Variants in KIRREL3 observed in about 807,000 individuals in gnomAD.
KIRREL3 encodes the protein kin of IRRE-like protein 3.
KIRREL3 carries 36 observed loss-of-function variants against 89.7 expected under a neutral mutation model. The observed-to-expected ratio is 0.40, with a 90% CI of 0.31 to 0.53. The LOEUF (loss-of-function observed/expected upper bound fraction) is 0.53, where lower values mean the gene tolerates loss of function less well. KIRREL3 is among the 20% of genes least tolerant of loss of function. The pLI is 0.49. For synonymous variants in KIRREL3, 445 were observed against 441.4 expected, an observed-to-expected ratio of 1.01 and a Z score of -0.10; for missense variants, 864 against 1,056.6, an observed-to-expected ratio of 0.82 and a Z score of 2.53.
At chr11:126,507,192 G>T (rs753717836) in intron 4 of KIRREL3, among the ~76,000 whole-genome samples, 4 of 152,184 alleles carry the variant, frequency 2.6e-5, no homozygotes, top group Non-Finnish European at 4.4e-5. Context: ...TGCATTGGTT[G>T]CCTGAGACTG....
intron 1 of KIRREL3, among the ~76,000 whole-genome samples, chr11:126,753,635 T>C (rs538357346): frequency 1.3e-5 from 2 of 152,090 alleles, no homozygotes; most frequent in East Asian, 1.9e-4. Flanking sequence ...GTTCAGATTA[T>C]ATTAAGATCT....
chr11:126,518,418 G>A (rs1012855105), intron 4 of KIRREL3, among the ~76,000 whole-genome samples: 1 of 152,208 alleles, frequency 6.6e-6, no homozygotes, highest in African/African-American at 2.4e-5. Context: ...GCCTCCCTCT[G>A]TTCTAGCCAA....
intron 1 of KIRREL3, among the ~76,000 whole-genome samples, chr11:126,922,780 C>T (rs1947406332): frequency 1.3e-5 from 2 of 152,140 alleles, no homozygotes; most frequent in Non-Finnish European, 2.9e-5. Context: ...CAGCAACTGC[C>T]CTATTTTCTC....
At position 126,635,687 on chromosome 11, in the gene KIRREL3, C is replaced by T. The variant is rs1011126710; in HGVS notation, c.56-72775G>A. Among the ~76,000 whole-genome samples the T allele has an allele frequency of 3.3e-5, 5 of 152,148 alleles. No homozygotes were observed. The highest frequency in any genetic ancestry group is 1.3e-4 in the Admixed American group (2 of 15,286). ...TTGACCCCAGCTGGATATCTGCTCA[C>T]GTCATCAAAGCTCTTGAGGCCTCAG... On this transcript the variant is annotated intron_variant, in intron 1 of 16. Coordinates refer to ENST00000525144, the MANE Select transcript of KIRREL3 (RefSeq NM_032531.4). This position sits in a 1 kb window ranked among gnomAD's most constrained non-coding sequence, Gnocchi z 4.0.
At chr11:126,538,154 T>C (rs2134480798) in intron 2 of KIRREL3, among the ~76,000 whole-genome samples, 2 of 152,362 alleles carry the variant, frequency 1.3e-5, no homozygotes, top group Middle Eastern at 6.8e-3. Flanking sequence ...AGCCCTCCCA[T>C]TGGCTTTGCC....
Position 126,954,164 on chromosome 11 carries a change from T to A in KIRREL3, c.55+46291A>T, listed in dbSNP as rs78460042. Among the ~76,000 whole-genome samples, 985 of 151,966 alleles carry A rather than the reference T, an allele frequency of 6.5e-3. 8 individuals are homozygous for A. The highest frequency in any genetic ancestry group is 0.022 in the African/African-American group (920 of 41,414). On this transcript the variant is annotated intron_variant, in intron 1 of 16. Coordinates refer to ENST00000525144, the MANE Select transcript of KIRREL3 (RefSeq NM_032531.4). This position sits in a 1 kb window ranked among gnomAD's most constrained non-coding sequence, Gnocchi z 4.1. ...GAGGTGGGGGGTGGTATTGAGGTAT[T>A]GAGGTCATCACTTATAGGTAAGTAC...
chr11:126,479,479 C>A (rs1043284644), intron 4 of KIRREL3, among the ~76,000 whole-genome samples: 3 of 152,244 alleles, frequency 2.0e-5, no homozygotes, highest in African/African-American at 7.2e-5. Context: ...TTGGCACCTC[C>A]TGGGAGCTTG....
intron 4 of KIRREL3, among the ~76,000 whole-genome samples, chr11:126,505,573 T>TA (rs1468047045): frequency 1.0e-4 from 13 of 127,308 alleles, no homozygotes; most frequent in Non-Finnish European, 1.6e-4. Flanking sequence ...CTCCATCTCT[T>TA]TAAAAAAAAA....
At chr11:126,467,246 A>AC (rs1956755578) in intron 5 of KIRREL3, among the ~76,000 whole-genome samples, 1 of 151,746 alleles carries the variant, frequency 6.6e-6, no homozygotes, top group Non-Finnish European at 1.5e-5. Flanking sequence ...CTGTGCACCC[A>AC]CCCCCACTGC....
chr11:126,613,890 T>TA (rs1943235836), intron 1 of KIRREL3, among the ~76,000 whole-genome samples: 1 of 122,310 alleles, frequency 8.2e-6, no homozygotes, highest in East Asian at 2.9e-4. Context: ...TTTTTTTTTT[T>TA]TTTATTTTTT....
chr11:126,559,277 C>T (rs1219435585), intron 2 of KIRREL3, among the ~76,000 whole-genome samples: 1 of 152,206 alleles, frequency 6.6e-6, no homozygotes, highest in Non-Finnish European at 1.5e-5. Context: ...CTTTTCAATA[C>T]CTACCTGACA....
intron 1 of KIRREL3, among the ~76,000 whole-genome samples, chr11:126,862,865 G>A (rs1944748252): frequency 6.6e-6 from 1 of 152,084 alleles, no homozygotes; most frequent in Admixed American, 6.5e-5. Flanking sequence ...ACATTGCCAG[G>A]CATTTGAGAA....
At chr11:126,545,640 T>TAAAATAAAATAAAATA (rs367868978) in intron 2 of KIRREL3, among the ~76,000 whole-genome samples, 85 of 119,676 alleles carry the variant, frequency 7.1e-4, no homozygotes, top group African/African-American at 2.7e-3. Flanking sequence ...TAAAATAAAA[T>TAAAATAAAATAAAATA]AAATAAAATA....
rs1472690301 is a variant in KIRREL3 at position 126,519,117 on chromosome 11, T to C, written c.433+2198A>G. 6.6e-6 allele frequency among the ~76,000 whole-genome samples: 1 copy of C among 152,022 alleles called. No individual in the cohort carries two copies. The highest frequency in any genetic ancestry group is 1.5e-5 in the Non-Finnish European group (1 of 68,002). Reference sequence around the variant, plus strand: ...GATCTCCAGACTTGAATAAAACATCTCCCCCATACAAACCCAGCTCTGTGC... The same window carrying C: ...GATCTCCAGACTTGAATAAAACATCCCCCCCATACAAACCCAGCTCTGTGC... On this transcript the variant is annotated intron_variant, in intron 4 of 16. Coordinates refer to ENST00000525144, the MANE Select transcript of KIRREL3 (RefSeq NM_032531.4). The surrounding 1 kb of genome is among the most constrained non-coding windows in gnomAD (Gnocchi z 4.3).
At chr11:126,650,163 G>A (rs775351104) in intron 1 of KIRREL3, among the ~76,000 whole-genome samples, 37 of 152,222 alleles carry the variant, frequency 2.4e-4, no homozygotes, top group Non-Finnish European at 4.6e-4. Flanking sequence ...CCCTGGGCCC[G>A]TCCCATGAAA....
At chr11:126,702,378 G>T (rs1591986874) in intron 1 of KIRREL3, among the ~76,000 whole-genome samples, 1 of 152,322 alleles carries the variant, frequency 6.6e-6, no homozygotes. Context: ...TGATTATGAT[G>T]ATTGTTGCAA....
At chr11:126,592,018 C>T (rs1265422628) in intron 1 of KIRREL3, among the ~76,000 whole-genome samples, 1 of 152,100 alleles carries the variant, frequency 6.6e-6, no homozygotes, top group Admixed American at 6.5e-5. Context: ...CTGGGGGTCG[C>T]TTGCCTTTGG....
chr11:126,973,524 C>T (rs1260365090), intron 1 of KIRREL3, among the ~76,000 whole-genome samples: 1 of 152,090 alleles, frequency 6.6e-6, no homozygotes, highest in Non-Finnish European at 1.5e-5. Flanking sequence ...TCATGGTGAC[C>T]CTAAGAAAGT....
chr11:126,505,377 C>T (rs1488919605), intron 4 of KIRREL3, among the ~76,000 whole-genome samples: 3 of 152,140 alleles, frequency 2.0e-5, no homozygotes, highest in African/African-American at 7.2e-5. Context: ...CGAGACCAGC[C>T]TGGCCAACAT....
Sources: gnomAD v4.1 joint callset for allele counts (sites outside exome capture counted in the v4.1 genomes callset) on GRCh38, gnomAD v4.1.1 for gene constraint, Gnocchi (gnomAD v3.1) non-coding constraint, MANE v1.5 for transcripts, NCBI Gene and HGNC (gene_info 2026-07-23, HGNC 2026-07-21) for gene names.